SNX29: variants seen among roughly 807,000 people sequenced by gnomAD.
SNX29 encodes the protein sorting nexin-29.
SNX29 carries 78 observed loss-of-function variants against 102.1 expected under a neutral mutation model. The observed-to-expected ratio is 0.76, with a 90% CI of 0.64 to 0.92. SNX29 has a LOEUF of 0.92. Ranked by LOEUF, SNX29 falls within the 40% of genes least tolerant of loss-of-function variation. The pLI is 0.00. For missense variants in SNX29, 1,280 were observed against 1,061.7 expected, an observed-to-expected ratio of 1.21 and a Z score of -2.86; for synonymous variants, 580 against 414.5, an observed-to-expected ratio of 1.40 and a Z score of -4.85.
Position 12,048,406 on chromosome 16 carries a change from C to G in SNX29, c.534C>G (p.Asp178Glu). The G allele has an allele frequency of 6.2e-7, 1 of 1,613,916 alleles. No homozygotes were observed. The highest frequency in any genetic ancestry group is 2.2e-5 in the East Asian group (1 of 44,884). Residue 178 changes from aspartate (D) to glutamate (E), a missense_variant, in exon 7 of 21, where the codon GAC (aspartate) becomes GAG (glutamate). By Grantham distance (45) the Asp-to-Glu change is conservative. Transcript: ENST00000566228. ...LNSILFAINI[D>E]NKDLNGQSKF... Reference sequence around the variant, plus strand: ...CCATACTCTTTGCGATTAACATCGACAACAAGGATTTGAACGGGCAGAGTA... The same window carrying G: ...CCATACTCTTTGCGATTAACATCGAGAACAAGGATTTGAACGGGCAGAGTA...
intron 19 of SNX29, among the ~76,000 whole-genome samples, chr16:12,521,583 C>A (rs1007986402): frequency 3.1e-4 from 47 of 152,160 alleles, no homozygotes; most frequent in African/African-American, 1.1e-3. Flanking sequence ...AAAGAAAAAT[C>A]TTCACAAGTT....
chr16:12,260,697 CG>C (rs1381458683), intron 14 of SNX29, among the ~76,000 whole-genome samples: 1 of 150,668 alleles, frequency 6.6e-6, no homozygotes, highest in Non-Finnish European at 1.5e-5. Context: ...TCTGTGCACG[CG>C]TCCCCGGCTG....
At chr16:12,013,496 AAAAAATATATATATATATATATATATAT>A (rs1343785766) in intron 3 of SNX29, among the ~76,000 whole-genome samples, 3 of 31,600 alleles carry the variant, frequency 9.5e-5, no homozygotes, top group African/African-American at 4.2e-4. Flanking sequence ...GGGAAAAAAA[AAAAAATATATATATATATATATATATAT>A]ATATATATAT....
intron 9 of SNX29, among the ~76,000 whole-genome samples, chr16:12,068,015 A>C (rs1189897990): frequency 1.3e-5 from 2 of 152,174 alleles, no homozygotes; most frequent in African/African-American, 4.8e-5. Context: ...CCTTTTTAGA[A>C]AGCCGCAGAC....
intron 10 of SNX29, among the ~76,000 whole-genome samples, chr16:12,070,910 T>G (rs892574172): frequency 1.3e-5 from 2 of 152,224 alleles, no homozygotes; most frequent in Non-Finnish European, 2.9e-5. Context: ...GATTTGCATT[T>G]CTCTGATGGC....
chr16:12,323,446 C>T (rs919159671), intron 15 of SNX29, among the ~76,000 whole-genome samples: 3 of 151,220 alleles, frequency 2.0e-5, no homozygotes, highest in African/African-American at 7.3e-5. Flanking sequence ...AAAATAACTT[C>T]AAAAGTACCA....
chr16:12,522,562 C>T (rs2090140842), intron 19 of SNX29, among the ~76,000 whole-genome samples: 1 of 152,036 alleles, frequency 6.6e-6, no homozygotes, highest in Non-Finnish European at 1.5e-5. Context: ...GGTGGATTTC[C>T]TCCTTGCTGT....
intron 20 of SNX29, among the ~76,000 whole-genome samples, chr16:12,549,659 G>A (rs769478092): frequency 6.6e-6 from 1 of 152,222 alleles, no homozygotes; most frequent in African/African-American, 2.4e-5. Context: ...AAACCAGCTT[G>A]AGGCAGTCCC....
At chr16:12,077,822 T>C (rs2051653709) in intron 10 of SNX29, among the ~76,000 whole-genome samples, 1 of 152,050 alleles carries the variant, frequency 6.6e-6, no homozygotes, top group Non-Finnish European at 1.5e-5. Context: ...GGTTTTGCCA[T>C]GTTCGCCAGG....
intron 20 of SNX29, among the ~76,000 whole-genome samples, chr16:12,538,865 A>C (rs1264630991): frequency 6.6e-6 from 1 of 151,904 alleles, no homozygotes; most frequent in Non-Finnish European, 1.5e-5. Flanking sequence ...AGAGAACGGT[A>C]GATGGGGCCA....
chr16:12,540,363 TTTC>T (rs1391635921), intron 20 of SNX29, among the ~76,000 whole-genome samples: 4 of 152,214 alleles, frequency 2.6e-5, no homozygotes, highest in African/African-American at 7.2e-5. Flanking sequence ...CCTGTATTAA[TTTC>T]TTATTGTTGC....
chr16:12,400,984 G>A lies in SNX29; in HGVS notation c.1956-2464G>A, dbSNP rs140967787. On this transcript the variant is annotated intron_variant, in intron 17 of 20. Coordinates refer to ENST00000566228, the MANE Select transcript of SNX29 (RefSeq NM_032167.5). ...ATTACAGGTGCCTGCCACCACACCC[G>A]GCTATGATTTTTTTTGTTTGTATTT... Among the ~76,000 whole-genome samples the A allele has an allele frequency of 5.3e-3, 799 of 152,128 alleles. 11 individuals carry two copies. Among genetic ancestry groups the A allele is most frequent in the African/African-American group, 0.018 (756 of 41,486 alleles).
chr16:12,161,406 T>G (rs939771467), intron 13 of SNX29, among the ~76,000 whole-genome samples: 2 of 152,218 alleles, frequency 1.3e-5, no homozygotes, highest in African/African-American at 4.8e-5. Context: ...GACTTGAGGC[T>G]GGGGCAGTTA....
intron 14 of SNX29, among the ~76,000 whole-genome samples, chr16:12,257,817 C>T (rs533626968): frequency 8.5e-5 from 13 of 152,128 alleles, no homozygotes; most frequent in East Asian, 3.9e-4. Flanking sequence ...TGTGAGCCAC[C>T]GCACCCAGCA....
intron 13 of SNX29, among the ~76,000 whole-genome samples, chr16:12,191,995 C>T (rs1301761547): frequency 6.6e-6 from 1 of 152,128 alleles, no homozygotes; most frequent in East Asian, 1.9e-4. Flanking sequence ...AAGTATAATT[C>T]CCATAGGTGT....
chr16:12,296,620 CA>C (rs1419232950), intron 15 of SNX29, among the ~76,000 whole-genome samples: 1 of 152,146 alleles, frequency 6.6e-6, no homozygotes, highest in Non-Finnish European at 1.5e-5. Context: ...CCAAAACAGG[CA>C]GGGGGCCTGC....
intron 18 of SNX29, among the ~76,000 whole-genome samples, chr16:12,458,744 C>CA (rs1426695368): frequency 6.6e-6 from 1 of 152,080 alleles, no homozygotes; most frequent in East Asian, 1.9e-4. Context: ...GAGTGTGTCG[C>CA]AATCCACTCC....
At chr16:12,035,846 G>T (rs1459972328) in intron 4 of SNX29, among the ~76,000 whole-genome samples, 1 of 152,046 alleles carries the variant, frequency 6.6e-6, no homozygotes. Flanking sequence ...GATTTTCTGG[G>T]ATTACTTGTT....
At chr16:12,558,959 G>T (rs184067852) in intron 20 of SNX29, among the ~76,000 whole-genome samples, 130 of 152,302 alleles carry the variant, frequency 8.5e-4, no homozygotes, top group African/African-American at 2.9e-3. Flanking sequence ...CATGTTTCAG[G>T]TAACAGAGGG....
Sources: allele counts gnomAD v4.1 joint callset (sites outside exome capture counted in the v4.1 genomes callset), GRCh38; gene constraint gnomAD v4.1.1; transcripts MANE v1.5; gene names NCBI Gene and HGNC (gene_info 2026-07-23, HGNC 2026-07-21).